Variants in NEURL1B observed in about 807,000 individuals in gnomAD.
NEURL1B encodes neuralized E3 ubiquitin protein ligase 1B.
A neutral mutation model predicts 37.4 loss-of-function variants in NEURL1B; 13 were observed. The ratio of observed to expected loss-of-function variants is 0.35; its 90% CI spans 0.23 to 0.55. The LOEUF is 0.55. Ranked by LOEUF, NEURL1B falls within the 20% of genes least tolerant of loss-of-function variation. The pLI, the probability that NEURL1B is intolerant of heterozygous loss-of-function variation, is 0.89. For missense variants in NEURL1B, 790 were observed against 879.2 expected (o/e 0.90, Z 1.28); for synonymous variants, 432 against 426.6 (o/e 1.01, Z -0.16).
intron 1 of NEURL1B, among the ~76,000 whole-genome samples, chr5:172,646,274 G>A (rs1469743222): frequency 6.6e-6 from 1 of 152,208 alleles, no homozygotes; most frequent in Non-Finnish European, 1.5e-5. Flanking sequence ...ACTAGGGGTA[G>A]CTCCTTCACG....
At position 172,641,443 on chromosome 5, in the gene NEURL1B, C is replaced by A. The variant is rs1227206039; in HGVS notation, c.31+6C>A. 7.6e-7 allele frequency: 1 copy of A among 1,322,130 alleles called. No individual in the cohort carries two copies. 81.9% of individuals were successfully genotyped at this position (1,322,130 alleles called of 1,614,324 possible). A position where few individuals can be genotyped will look rare whatever the true frequency, so the allele number is the denominator to read the frequency against. On this transcript the variant is annotated splice_donor_region_variant and intron_variant, in intron 1 of 4. Coordinates refer to ENST00000369800, the MANE Select transcript of NEURL1B (RefSeq NM_001142651.3). The surrounding 1 kb of genome is among the most constrained non-coding windows in gnomAD (Gnocchi z 6.4). ...GGTGCACCGGACCCTGCCAGGTACG[C>A]CGGGGAGCCCTGCCCGGGAGGCGGG...
At chr5:172,678,636 C>G (rs1008154191) in intron 2 of NEURL1B, among the ~76,000 whole-genome samples, 12 of 151,732 alleles carry the variant, frequency 7.9e-5, no homozygotes, top group African/African-American at 2.9e-4. Context: ...GACACCACCC[C>G]CTTGGTTGGC....
In NEURL1B at chr5:172,663,829, T is replaced by TTTTTTA. The variant is rs138220033; in HGVS notation, c.32-5954_32-5953insTTTATT. Among the ~76,000 whole-genome samples the TTTTTTA allele has an allele frequency of 1.0e-3, 141 of 140,844 alleles. 4 individuals are homozygous for TTTTTTA. In the East Asian group the frequency reaches 0.025, roughly 25 times the overall value. The allele number at this position is 140,844 out of a possible 152,430, so 92.4% of individuals were successfully genotyped here. On this transcript the variant is annotated intron_variant, in intron 1 of 4. Coordinates refer to ENST00000369800, the MANE Select transcript of NEURL1B (RefSeq NM_001142651.3). ...TTCCTGGCAAAAGAGGTTTTATTTG[T>TTTTTTA]TTATTATTATTATTATTATTATTAT...
In NEURL1B at chr5:172,689,557, A is replaced by G. The variant is rs953066694; in HGVS notation, c.*2632A>G. On this transcript the variant is annotated 3_prime_UTR_variant, in exon 5 of 5. Transcript: ENST00000369800. Reference sequence around the variant, plus strand: ...TGAAAAAAAAACTGTGCTACTTACAATCTATGAAAGCTGGTGTTATCCCAC... The same window carrying G: ...TGAAAAAAAAACTGTGCTACTTACAGTCTATGAAAGCTGGTGTTATCCCAC... The G allele has an allele frequency of 1.6e-5, 2 of 123,742 alleles. No homozygotes were observed. The highest frequency in any genetic ancestry group is 7.5e-5 in the Admixed American group (1 of 13,272). The allele number at this position is 123,742 out of a possible 1,614,324, so 7.7% of individuals were successfully genotyped here. A position where few individuals can be genotyped will look rare whatever the true frequency, so the allele number is the denominator to read the frequency against.
intron 1 of NEURL1B, chr5:172,656,735 A>G (rs6556036): frequency 0.5 from 475,667 of 945,118 alleles, 122,540 homozygotes; most frequent in African/African-American, 0.58. Flanking sequence ...CCGCTTCCCC[A>G]GAAGTTAAGT....
Position 172,689,406 on chromosome 5 carries a change from A to T in NEURL1B, c.*2481A>T, listed in dbSNP as rs1758584647. 6.6e-6 allele frequency: 1 copy of T among 152,118 alleles called. No individual in the cohort carries two copies. Among genetic ancestry groups the T allele is most frequent in the Admixed American group, 6.5e-5 (1 of 15,272 alleles). 9.4% of individuals were successfully genotyped at this position (152,118 alleles called of 1,614,324 possible). A position where few individuals can be genotyped will look rare whatever the true frequency, so the allele number is the denominator to read the frequency against. ...CCTGTGCGGCAGGTCTTATTGCCAT[A>T]ATAAGTCACATCAAAGACACTGCTG... On this transcript the variant is annotated 3_prime_UTR_variant, in exon 5 of 5. Transcript: ENST00000369800.
chr5:172,659,384 G>A (rs1459338768), intron 1 of NEURL1B, among the ~76,000 whole-genome samples: 18 of 152,112 alleles, frequency 1.2e-4, no homozygotes, highest in Non-Finnish European at 2.2e-4. Flanking sequence ...TGTCCTCAAG[G>A]CAAAGAGAAG....
chr5:172,677,570 T>TGGC (rs1758254648), intron 2 of NEURL1B, among the ~76,000 whole-genome samples: 7 of 152,172 alleles, frequency 4.6e-5, no homozygotes, highest in Admixed American at 4.6e-4. Flanking sequence ...ACGAGGTCAG[T>TGGC]GGCGCACAGA....
chr5:172,664,163 G>C (rs1299426201), intron 1 of NEURL1B, among the ~76,000 whole-genome samples: 1 of 152,184 alleles, frequency 6.6e-6, no homozygotes, highest in Admixed American at 6.5e-5. Flanking sequence ...GAGTACTTCA[G>C]TGGTACTTAT....
In NEURL1B at chr5:172,683,403, C is replaced by T; in HGVS notation, c.578-16C>T. On this transcript the variant is annotated splice_polypyrimidine_tract_variant and intron_variant, in intron 2 of 4. Transcript: ENST00000369800. The surrounding 1 kb of genome is among the most constrained non-coding windows in gnomAD (Gnocchi z 5.6). ...GCGGCCTCTCCCCCTCCATGTCCCT[C>T]CCTTTGTCCGCACAGAGAGCGCCTT... 1 of 1,323,386 alleles carries T rather than the reference C, an allele frequency of 7.6e-7. No homozygotes were observed. Among genetic ancestry groups the T allele is most frequent in the Non-Finnish European group, 9.7e-7 (1 of 1,030,378 alleles). 82.0% of individuals were successfully genotyped at this position (1,323,386 alleles called of 1,614,324 possible). A position where few individuals can be genotyped will look rare whatever the true frequency, so the allele number is the denominator to read the frequency against.
In NEURL1B at chr5:172,650,457, A is replaced by G. The variant is rs567226310; in HGVS notation, c.31+9020A>G. On this transcript the variant is annotated intron_variant, in intron 1 of 4. Coordinates refer to ENST00000369800, the MANE Select transcript of NEURL1B (RefSeq NM_001142651.3). ...ATACTGAGGACCAGAGCCTGGCACA[A>G]GGTCACCAGGTGATTACAAATGGGG... Among the ~76,000 whole-genome samples the G allele has an allele frequency of 1.1e-4, 16 of 152,280 alleles. No homozygotes were observed. The South Asian group carries it at 1.2e-3, about 12-fold the overall frequency.
rs1243255147 is a variant in NEURL1B, at chr5:172,641,600, C to CGGCTGGGCTTTGCGCCCCGG, written c.31+165_31+184dup. Among the ~76,000 whole-genome samples, 1 of 152,082 alleles carries CGGCTGGGCTTTGCGCCCCGG rather than the reference C, an allele frequency of 6.6e-6. No individual in the cohort carries two copies. The highest frequency in any genetic ancestry group is 1.5e-5 in the Non-Finnish European group (1 of 67,994). Reference sequence around the variant, plus strand: ...GGACCTCAGCTCGGCGCGCGCCCCGCGGCTGGGCTTTGCGCCCCGGGAGGG... The same window carrying CGGCTGGGCTTTGCGCCCCGG: ...GGACCTCAGCTCGGCGCGCGCCCCGCGGCTGGGCTTTGCGCCCCGGGGCTGGGCTTTGCGCCCCGGGAGGG... On this transcript the variant is annotated intron_variant, in intron 1 of 4. Transcript: ENST00000369800. This position sits in a 1 kb window ranked among gnomAD's most constrained non-coding sequence, Gnocchi z 6.4.
intron 1 of NEURL1B, among the ~76,000 whole-genome samples, chr5:172,664,026 A>C (rs543000642): frequency 6.6e-6 from 1 of 151,810 alleles, no homozygotes; most frequent in Non-Finnish European, 1.5e-5. Context: ...TGAAACAAGC[A>C]GAGAAGGCTT....
intron 1 of NEURL1B, among the ~76,000 whole-genome samples, chr5:172,644,702 CTT>C (rs769452447): frequency 6.6e-6 from 1 of 152,218 alleles, no homozygotes; most frequent in Non-Finnish European, 1.5e-5. Context: ...GATTAAGACA[CTT>C]TGCATACAGT....
chr5:172,662,861 C>T (rs529430064), intron 1 of NEURL1B, among the ~76,000 whole-genome samples: 3 of 152,218 alleles, frequency 2.0e-5, no homozygotes, highest in African/African-American at 7.2e-5. Context: ...AGTCTGGGCA[C>T]TGTTTCCTTG....
At chr5:172,659,260 G>C (rs146989735) in intron 1 of NEURL1B, among the ~76,000 whole-genome samples, 79 of 152,300 alleles carry the variant, frequency 5.2e-4, no homozygotes, top group African/African-American at 1.8e-3. Context: ...GGGAACTTGG[G>C]CCAGTGGGTC....
At chr5:172,673,730 C>G (rs1758174853) in intron 2 of NEURL1B, among the ~76,000 whole-genome samples, 1 of 150,420 alleles carries the variant, frequency 6.6e-6, no homozygotes, top group Non-Finnish European at 1.5e-5. Flanking sequence ...TCCCGAGTAG[C>G]CAGGACCACA....
In NEURL1B at chr5:172,683,789, G is replaced by C; in HGVS notation, c.948G>C (p.Pro316=). The change falls in exon 3 of 5, where the codon CCG becomes CCC. Residue 316 remains proline (P), a synonymous_variant. Transcript: ENST00000369800. The surrounding 1 kb of genome is among the most constrained non-coding windows in gnomAD (Gnocchi z 5.6). Reference sequence around the variant, plus strand: ...GCACGCTGGTCTTCTCCGAGCGCCCGCTGCGGCCCGGCGAGAGCCTCTTCG... The same window carrying C: ...GCACGCTGGTCTTCTCCGAGCGCCCCCTGCGGCCCGGCGAGAGCCTCTTCG... ...GGRTLVFSER[P]LRPGESLFVE... is the part of the protein sequence containing the mutation. The C allele has an allele frequency of 1.5e-6, 2 of 1,297,982 alleles. No homozygotes were observed. Among genetic ancestry groups the C allele is most frequent in the Non-Finnish European group, 2.0e-6 (2 of 1,019,938 alleles). The allele number at this position is 1,297,982 out of a possible 1,614,324, so 80.4% of individuals were successfully genotyped here. A position where few individuals can be genotyped will look rare whatever the true frequency, so the allele number is the denominator to read the frequency against.
At chr5:172,664,542 G>A (rs768733931) in intron 1 of NEURL1B, among the ~76,000 whole-genome samples, 1 of 152,166 alleles carries the variant, frequency 6.6e-6, no homozygotes. Context: ...TGATGTGGCT[G>A]TTGTGTTTGT....
Sources: allele counts gnomAD v4.1 joint callset (sites outside exome capture counted in the v4.1 genomes callset), GRCh38; gene constraint gnomAD v4.1.1; non-coding constraint Gnocchi (gnomAD v3.1); transcripts MANE v1.5; gene names NCBI Gene and HGNC (gene_info 2026-07-23, HGNC 2026-07-21).